MCF2: variants seen among roughly 807,000 people sequenced by gnomAD.
MCF2 encodes the protein proto-oncogene DBL.
In MCF2, 44 loss-of-function variants were observed where a neutral mutation model predicts 82.5. The observed-to-expected ratio is 0.53, with a 90% confidence interval of 0.42 to 0.69. The LOEUF is 0.69. Ranked by LOEUF, MCF2 falls within the 30% of genes least tolerant of loss-of-function variation. The probability of loss-of-function intolerance (pLI) is 0.00; values close to 1 mark genes in which losing one functional copy is unlikely to be tolerated. For missense variants in MCF2, 623 were observed against 663.1 expected (o/e 0.94, Z 0.66); for synonymous variants, 217 against 224.9 (o/e 0.96, Z 0.32).
exon 25 of MCF2, chrX:139,582,310 A>C: frequency 1.9e-6 from 1 of 523,502 alleles, no homozygotes. Flanking sequence ...AGCTTTATTA[A>C]ATGAAAGAAA....
intron 10 of MCF2, among the ~76,000 whole-genome samples, chrX:139,611,000 C>G (rs1316256745): frequency 1.8e-5 from 2 of 112,181 alleles, no homozygotes; most frequent in Non-Finnish European, 3.8e-5. Flanking sequence ...AAATTCAAAA[C>G]TTTCATCTTT....
rs772956170 is a variant in MCF2, at chrX:139,617,605, G to A, written c.907C>T (p.Leu303=). The change falls in exon 8 of 25, where the codon CTA becomes TTA. Residue 303 remains leucine (L), a synonymous_variant. Coordinates refer to ENST00000370576, the Ensembl canonical transcript of MCF2. Reference sequence around the variant, plus strand: ...ACCAAAATATCAGAAAGGTAACGTAGCTCATTGCACCTCTGGCAGATTAAA... The same window carrying A: ...ACCAAAATATCAGAAAGGTAACGTAACTCATTGCACCTCTGGCAGATTAAA... The A allele has an allele frequency of 6.7e-6, 8 of 1,201,632 alleles. No individual in the cohort carries two copies. In the East Asian group the frequency reaches 1.2e-4, roughly 18 times the overall value.
At chrX:139,647,302 G>A (rs1041800246), upstream of MCF2, among the ~76,000 whole-genome samples, 5 of 111,494 alleles carry the variant, frequency 4.5e-5, no homozygotes, top group Non-Finnish European at 7.5e-5. Flanking sequence ...TGATATAATC[G>A]ATCTCTTAGT....
chrX:139,642,680 A>T, exon 1 of MCF2: 8 of 1,034,762 alleles, frequency 7.7e-6, no homozygotes, highest in East Asian at 3.7e-5. Flanking sequence ...AATGCTGGGG[A>T]GGAAAAAAAA....
chrX:139,665,926 TACACACACACACAAACC>T (rs1934504315), intron 1 of MCF2, among the ~76,000 whole-genome samples: 1 of 73,273 alleles, frequency 1.4e-5, no homozygotes, highest in African/African-American at 9.6e-5. Context: ...TATATATATA[TACACACACACACAAACC>T]ATATATATAT....
intron 16 of MCF2, among the ~76,000 whole-genome samples, chrX:139,600,614 T>C (rs1282888910): frequency 1.8e-5 from 2 of 111,752 alleles, no homozygotes; most frequent in Non-Finnish European, 3.8e-5. Flanking sequence ...ATACACAAGG[T>C]AGCAGTTCAA....
chrX:139,612,384 G>A (rs747693637), intron 10 of MCF2, among the ~76,000 whole-genome samples: 1 of 110,893 alleles, frequency 9.0e-6, no homozygotes, highest in South Asian at 3.8e-4. Context: ...CCAGATTTAG[G>A]AGCTCAAGTC....
At chrX:139,689,148 T>A (rs768183593) in intron 1 of MCF2, among the ~76,000 whole-genome samples, 1 of 112,113 alleles carries the variant, frequency 8.9e-6, no homozygotes, top group East Asian at 2.8e-4. Context: ...TCCCCAGAAG[T>A]GACAGTCCAT....
chrX:139,584,602 A>G (rs1188399948), intron 24 of MCF2, among the ~76,000 whole-genome samples: 2 of 112,101 alleles, frequency 1.8e-5, no homozygotes, highest in Non-Finnish European at 3.8e-5. Context: ...GAGATTTTAT[A>G]TCATTAGTGT....
intron 7 of MCF2, among the ~76,000 whole-genome samples, chrX:139,618,469 T>C (rs1041939550): frequency 1.8e-5 from 2 of 111,140 alleles, no homozygotes; most frequent in African/African-American, 6.5e-5. Flanking sequence ...ATTAAGACGG[T>C]AAATTTCATG....
chrX:139,689,713 G>A (rs1457631307), intron 1 of MCF2, among the ~76,000 whole-genome samples: 1 of 108,885 alleles, frequency 9.2e-6, no homozygotes, highest in Non-Finnish European at 1.9e-5. Flanking sequence ...ATCCCCACCC[G>A]CTGTCCAGCT....
At chrX:139,622,194 A>C (rs868316521) in intron 6 of MCF2, among the ~76,000 whole-genome samples, 3 of 111,625 alleles carry the variant, frequency 2.7e-5, no homozygotes, top group East Asian at 2.8e-4. Flanking sequence ...CATCTCACAC[A>C]AGTTAGAATG....
chrX:139,645,734 T>C (rs892947373), upstream of MCF2: 2 of 545,995 alleles, frequency 3.7e-6, no homozygotes, highest in East Asian at 3.7e-5. Flanking sequence ...ATTCTATTTC[T>C]GATTATTTCA....
intron 1 of MCF2, among the ~76,000 whole-genome samples, chrX:139,656,731 C>G (rs1293351163): frequency 4.5e-5 from 5 of 112,147 alleles, no homozygotes; most frequent in African/African-American, 9.7e-5. Context: ...TTACACCCAG[C>G]TTTGTAGCTG....
chrX:139,677,987 A>C (rs536699791), intron 1 of MCF2, among the ~76,000 whole-genome samples: 4 of 111,143 alleles, frequency 3.6e-5, no homozygotes, highest in African/African-American at 1.3e-4. Flanking sequence ...ACACAGTGAA[A>C]CTCCGTCTCT....
At chrX:139,696,024 A>G (rs1935372239) in intron 1 of MCF2, among the ~76,000 whole-genome samples, 1 of 112,032 alleles carries the variant, frequency 8.9e-6, no homozygotes, top group African/African-American at 3.2e-5. Flanking sequence ...GCACATTCAG[A>G]TTCATCTACA....
Position 139,596,774 on chromosome X carries a change from G to C in MCF2, c.2056-4C>G. 1.7e-6 allele frequency: 2 copies of C among 1,178,972 alleles called. No homozygotes were observed. The highest frequency in any genetic ancestry group is 2.3e-6 in the Non-Finnish European group (2 of 866,311). On this transcript the variant is annotated splice_region_variant and splice_polypyrimidine_tract_variant and intron_variant, in intron 18 of 24. Coordinates refer to ENST00000370576, the Ensembl canonical transcript of MCF2. ...TGCCCAGTTCATTTAAGTTTCCCTA[G>C]AATGGAAAATCAAAACCCATTAGTA...
At chrX:139,582,433 C>T (rs1359991488) in exon 25 of MCF2, 2 of 1,201,217 alleles carry the variant, frequency 1.7e-6, no homozygotes, top group South Asian at 1.8e-5. Context: ...GAGAAGCAGG[C>T]AGGAAAGAGC....
intron 24 of MCF2, among the ~76,000 whole-genome samples, chrX:139,583,728 T>C (rs1031289929): frequency 8.9e-6 from 1 of 111,891 alleles, no homozygotes; most frequent in Non-Finnish European, 1.9e-5. Flanking sequence ...AACAAAACCT[T>C]ACACATGTAC....
Sources: gnomAD v4.1 joint callset for allele counts (sites outside exome capture counted in the v4.1 genomes callset) on GRCh38, gnomAD v4.1.1 for gene constraint, MANE v1.5 for transcripts, NCBI Gene and HGNC (gene_info 2026-07-23, HGNC 2026-07-21) for gene names.